The following AKAP13 variants were observed in gnomAD, a reference collection of about 807,000 sequenced individuals.
The protein encoded by AKAP13 is A-kinase anchor protein 13.
In AKAP13, 80 loss-of-function variants were observed where a neutral mutation model predicts 264.5. That is an observed-to-expected ratio of 0.30 (90% CI 0.25 to 0.36). The LOEUF (loss-of-function observed/expected upper bound fraction) is 0.36. AKAP13 is among the 10% of genes least tolerant of loss of function. The pLI, the probability that AKAP13 is intolerant of heterozygous loss-of-function variation, is 1.00. For missense variants in AKAP13, 3,712 were observed against 3,435.2 expected, an observed-to-expected ratio of 1.08 and a Z score of -2.01; for synonymous variants, 1,380 against 1,250.2, an observed-to-expected ratio of 1.10 and a Z score of -2.19.
chr15:85,527,080 G>T (rs1481770672), intron 3 of AKAP13, among the ~76,000 whole-genome samples: 1 of 151,508 alleles, frequency 6.6e-6, no homozygotes, highest in Non-Finnish European at 1.5e-5. Flanking sequence ...TCAGCCTCCC[G>T]AGTTCCCGAG....
chr15:85,602,656 A>G (rs1285252088), intron 8 of AKAP13, among the ~76,000 whole-genome samples: 1 of 151,286 alleles, frequency 6.6e-6, no homozygotes, highest in African/African-American at 2.4e-5. Context: ...CACCTGGATA[A>G]TTTTTGTATT....
chr15:85,670,389 T>G (rs960382441), intron 14 of AKAP13, among the ~76,000 whole-genome samples: 5 of 151,820 alleles, frequency 3.3e-5, no homozygotes, highest in Non-Finnish European at 7.4e-5. Context: ...TATACTGGCC[T>G]TCTCTGGCTA....
At chr15:85,452,359 T>C (rs1016609470) in intron 1 of AKAP13, among the ~76,000 whole-genome samples, 8 of 152,326 alleles carry the variant, frequency 5.3e-5, no homozygotes, top group Admixed American at 4.6e-4. Context: ...TTCAGAATTA[T>C]ATTTCTGTCA....
At chr15:85,674,567 G>A (rs2084113012) in intron 14 of AKAP13, among the ~76,000 whole-genome samples, 1 of 152,174 alleles carries the variant, frequency 6.6e-6, no homozygotes, top group African/African-American at 2.4e-5. Flanking sequence ...AGTTTGCCAA[G>A]TTTCTTAAGC....
In AKAP13 at chr15:85,715,939, T is replaced by C; in HGVS notation, c.5735+16T>C. ...ACATTACTGGGTAAGTGGAGATATT[T>C]AAAGATAGCACAGTTGGCATCTAGG... On this transcript the variant is annotated intron_variant, in intron 20 of 36. Transcript: ENST00000394518. 1.2e-6 allele frequency: 2 copies of C among 1,608,240 alleles called. No homozygotes were observed. The highest frequency in any genetic ancestry group is 2.2e-5 in the South Asian group (2 of 90,212).
intron 5 of AKAP13, among the ~76,000 whole-genome samples, chr15:85,544,923 T>A (rs779585267): frequency 6.6e-6 from 1 of 152,238 alleles, no homozygotes; most frequent in South Asian, 2.1e-4. Context: ...CATTTTTAAC[T>A]GTGTATATAG....
intron 1 of AKAP13, among the ~76,000 whole-genome samples, chr15:85,388,640 G>A (rs2070705289): frequency 6.6e-6 from 1 of 152,010 alleles, no homozygotes; most frequent in African/African-American, 2.4e-5. Context: ...TTCTTCTTTA[G>A]TCTGGTGTAA....
intron 1 of AKAP13, among the ~76,000 whole-genome samples, chr15:85,403,729 T>C (rs2071533094): frequency 2.3e-4 from 35 of 151,466 alleles, no homozygotes; most frequent in Admixed American, 2.3e-3. Context: ...TAATCCCAGC[T>C]ACTTGGAAGG....
In AKAP13 at chr15:85,578,881, ATCT is replaced by A. The variant is rs767997466; in HGVS notation, c.862-45_862-43del. The A allele has an allele frequency of 9.6e-6, 15 of 1,566,160 alleles. No individual in the cohort carries two copies. The Middle Eastern group carries it at 6.8e-4, about 71-fold the overall frequency. Reference sequence around the variant, plus strand: ...ATTTTTGCTCAGAGGTGTCAGTGACATCTTCTCCTACAGGCAGTTTTTTAAAAG... The same window carrying A: ...ATTTTTGCTCAGAGGTGTCAGTGACATCTCCTACAGGCAGTTTTTTAAAAG... On this transcript the variant is annotated intron_variant, in intron 6 of 36. Transcript: ENST00000394518.
At chr15:85,516,270 A>G (rs2076594164) in intron 2 of AKAP13, among the ~76,000 whole-genome samples, 1 of 152,194 alleles carries the variant, frequency 6.6e-6, no homozygotes, top group Non-Finnish European at 1.5e-5. Context: ...TTAATTCTTC[A>G]AAACGACCTT....
chr15:85,733,760 C>G (rs1304632127), intron 30 of AKAP13, among the ~76,000 whole-genome samples: 1 of 150,970 alleles, frequency 6.6e-6, no homozygotes, highest in African/African-American at 2.4e-5. Context: ...GTTTTGATTT[C>G]TATAATGATT....
intron 2 of AKAP13, among the ~76,000 whole-genome samples, chr15:85,502,951 A>G (rs2076075484): frequency 6.6e-6 from 1 of 152,220 alleles, no homozygotes; most frequent in South Asian, 2.1e-4. Flanking sequence ...TGTTTGAGAA[A>G]TAGTGTGTTT....
Position 85,661,299 on chromosome 15 carries a change from C to T in AKAP13, c.4799+2709C>T, listed in dbSNP as rs373048518. 2.6e-5 allele frequency among the ~76,000 whole-genome samples: 4 copies of T among 152,074 alleles called. No individual in the cohort carries two copies. The East Asian group carries it at 7.7e-4, about 29-fold the overall frequency. On this transcript the variant is annotated intron_variant, in intron 12 of 36. Coordinates refer to ENST00000394518, the MANE Select transcript of AKAP13 (RefSeq NM_007200.5). ...CCTTGCTACTTGATAATGGACACCG[C>T]TACTGGGATATTCAAGGAAGTAGAT...
intron 8 of AKAP13, among the ~76,000 whole-genome samples, chr15:85,598,540 T>G (rs1311617515): frequency 1.3e-5 from 2 of 152,198 alleles, no homozygotes; most frequent in African/African-American, 4.8e-5. Context: ...ACATAGTCCC[T>G]TCTTCCAGGA....
At chr15:85,432,314 T>C (rs1233376108) in intron 1 of AKAP13, among the ~76,000 whole-genome samples, 1 of 152,096 alleles carries the variant, frequency 6.6e-6, no homozygotes, top group African/African-American at 2.4e-5. Context: ...TTGGATTATC[T>C]TTTTACCCCA....
rs373082156 is a variant in AKAP13 at position 85,742,183 on chromosome 15, A to G, written c.8058+688A>G. On this transcript the variant is annotated intron_variant, in intron 35 of 36. Coordinates refer to ENST00000394518, the MANE Select transcript of AKAP13 (RefSeq NM_007200.5). ...GGCATTTTGGCCAGGGCAGTAATGG[A>G]TATTTGGAGTTGGCACTTCCCTCAG... Among the ~76,000 whole-genome samples the G allele has an allele frequency of 2.0e-4, 31 of 152,330 alleles. No individual in the cohort carries two copies. The East Asian group carries it at 5.4e-3, about 27-fold the overall frequency.
intron 19 of AKAP13, among the ~76,000 whole-genome samples, chr15:85,711,178 G>A (rs2086617317): frequency 6.6e-6 from 1 of 152,036 alleles, no homozygotes; most frequent in Non-Finnish European, 1.5e-5. Flanking sequence ...ACCATGCCCG[G>A]CCTAAACTTC....
intron 1 of AKAP13, among the ~76,000 whole-genome samples, chr15:85,435,981 G>A (rs1244283929): frequency 1.8e-4 from 26 of 145,796 alleles, no homozygotes; most frequent in African/African-American, 6.4e-4. Context: ...AACTTTAAAT[G>A]TAAATGGACT....
intron 1 of AKAP13, among the ~76,000 whole-genome samples, chr15:85,434,212 A>G (rs1424646207): frequency 6.6e-6 from 1 of 152,088 alleles, no homozygotes; most frequent in Non-Finnish European, 1.5e-5. Flanking sequence ...GGGGTGACGG[A>G]CGCACCTGGA....
Sources: allele counts gnomAD v4.1 joint callset (sites outside exome capture counted in the v4.1 genomes callset), GRCh38; gene constraint gnomAD v4.1.1; transcripts MANE v1.5; gene names NCBI Gene and HGNC (gene_info 2026-07-23, HGNC 2026-07-21).